Variants in KLHL29 observed in about 807,000 individuals in gnomAD.
KLHL29 encodes kelch like family member 29.
A neutral mutation model predicts 80.4 loss-of-function variants in KLHL29; 21 were observed. The observed-to-expected ratio is 0.26, with a 90% CI of 0.19 to 0.38. The LOEUF (loss-of-function observed/expected upper bound fraction) is 0.38, where lower values mean the gene tolerates loss of function less well. KLHL29 is among the 10% of genes least tolerant of loss of function. The pLI, the probability that KLHL29 is intolerant of heterozygous loss-of-function variation, is 1.00. For synonymous variants in KLHL29, 511 were observed against 526.8 expected, an observed-to-expected ratio of 0.97 and a Z score of 0.41; for missense variants, 867 against 1,223.9, an observed-to-expected ratio of 0.71 and a Z score of 4.35.
At chr2:23,672,223 C>G (rs565169967) in intron 5 of KLHL29, 2 of 152,588 alleles carry the variant, frequency 1.3e-5, no homozygotes, top group South Asian at 4.1e-4. Context: ...GGAGCTACCT[C>G]CCCTGGGCCC....
At chr2:23,629,459 G>A (rs946624285) in intron 3 of KLHL29, among the ~76,000 whole-genome samples, 5 of 152,084 alleles carry the variant, frequency 3.3e-5, no homozygotes, top group Non-Finnish European at 7.4e-5. Flanking sequence ...CTTGGAAATG[G>A]GACTAAGAAG....
intron 1 of KLHL29, among the ~76,000 whole-genome samples, chr2:23,398,175 A>G (rs1666498795): frequency 6.6e-6 from 1 of 152,268 alleles, no homozygotes; most frequent in South Asian, 2.1e-4. Context: ...GCTCATAGCA[A>G]CCACATTCAC....
chr2:23,473,631 T>C (rs1408789198), intron 1 of KLHL29, among the ~76,000 whole-genome samples: 2 of 152,126 alleles, frequency 1.3e-5, no homozygotes, highest in Admixed American at 6.5e-5. Flanking sequence ...TCTAGCCTAT[T>C]CCATATTCAT....
chr2:23,449,828 C>T (rs11900350), intron 1 of KLHL29, among the ~76,000 whole-genome samples: 22,183 of 152,046 alleles, frequency 0.15, 2,767 homozygotes, highest in African/African-American at 0.32. Flanking sequence ...GGATGAGAGG[C>T]GTGGAGAACC....
intron 1 of KLHL29, among the ~76,000 whole-genome samples, chr2:23,460,153 A>G (rs894026530): frequency 1.3e-5 from 2 of 152,232 alleles, no homozygotes; most frequent in African/African-American, 2.4e-5. Context: ...CTTGAGTAGG[A>G]TATTTATTAT....
chr2:23,409,964 C>A (rs184598183), intron 1 of KLHL29, among the ~76,000 whole-genome samples: 3 of 152,108 alleles, frequency 2.0e-5, no homozygotes, highest in Admixed American at 2.0e-4. Context: ...GCATTCCAGG[C>A]AGAGGAGATA....
intron 2 of KLHL29, among the ~76,000 whole-genome samples, chr2:23,532,930 G>A (rs1442847229): frequency 6.6e-6 from 1 of 152,142 alleles, no homozygotes; most frequent in African/African-American, 2.4e-5. Context: ...CCGAGAGGAG[G>A]AGCTCAGCTG....
At chr2:23,432,188 C>T (rs1663200810) in intron 1 of KLHL29, among the ~76,000 whole-genome samples, 1 of 152,122 alleles carries the variant, frequency 6.6e-6, no homozygotes, top group African/African-American at 2.4e-5. Context: ...CTGCTTTTTT[C>T]ACTTAGAGAA....
At chr2:23,505,482 C>T (rs2103457841) in intron 2 of KLHL29, among the ~76,000 whole-genome samples, 1 of 152,350 alleles carries the variant, frequency 6.6e-6, no homozygotes, top group South Asian at 2.1e-4. Context: ...TGTTCCTGCC[C>T]ATCTTTTTGT....
intron 2 of KLHL29, among the ~76,000 whole-genome samples, chr2:23,535,009 G>A (rs986933986): frequency 6.6e-6 from 1 of 152,198 alleles, no homozygotes; most frequent in Non-Finnish European, 1.5e-5. Flanking sequence ...TGATTGGGGT[G>A]GTGGTTAGGC....
At chr2:23,425,635 T>C (rs376129668) in intron 1 of KLHL29, among the ~76,000 whole-genome samples, 32 of 152,332 alleles carry the variant, frequency 2.1e-4, no homozygotes, top group African/African-American at 7.7e-4. Context: ...AGGAAGCCAG[T>C]GTCCCCCCAG....
intron 1 of KLHL29, among the ~76,000 whole-genome samples, chr2:23,393,428 T>C (rs890858641): frequency 6.6e-6 from 1 of 152,232 alleles, no homozygotes; most frequent in Non-Finnish European, 1.5e-5. Flanking sequence ...AGTGACAACC[T>C]GGGTCTGTCT....
intron 5 of KLHL29, among the ~76,000 whole-genome samples, chr2:23,659,496 C>G (rs998638419): frequency 4.6e-5 from 7 of 152,204 alleles, no homozygotes; most frequent in Admixed American, 6.5e-5. Flanking sequence ...CTCATCTTCA[C>G]TTCCATTCTC....
intron 1 of KLHL29, among the ~76,000 whole-genome samples, chr2:23,390,721 G>C (rs1469968929): frequency 3.2e-5 from 4 of 126,782 alleles, no homozygotes; most frequent in Non-Finnish European, 4.7e-5. Context: ...ACACAATCTT[G>C]GCTCGCTGCA....
intron 2 of KLHL29, among the ~76,000 whole-genome samples, chr2:23,489,132 C>T (rs1183664625): frequency 2.0e-5 from 3 of 152,194 alleles, no homozygotes; most frequent in Non-Finnish European, 2.9e-5. Flanking sequence ...AAGCAGAGAA[C>T]ATGGCGTTTC....
chr2:23,487,649 A>G (rs909738330), intron 2 of KLHL29, among the ~76,000 whole-genome samples: 1 of 151,756 alleles, frequency 6.6e-6, no homozygotes, highest in Non-Finnish European at 1.5e-5. Flanking sequence ...AGGGGTCCTC[A>G]GGGGTGTCCC....
chr2:23,601,686 G>A (rs984580841), intron 3 of KLHL29, among the ~76,000 whole-genome samples: 10 of 152,188 alleles, frequency 6.6e-5, no homozygotes, highest in African/African-American at 2.4e-4. Flanking sequence ...TTAGCTCTGA[G>A]ATACCCAGTG....
In KLHL29 at chr2:23,669,086, G is replaced by A. The variant is rs1670636408; in HGVS notation, c.941-15313G>A. 1 of 152,208 alleles carries A rather than the reference G, an allele frequency of 6.6e-6. No individual in the cohort carries two copies. Among genetic ancestry groups the A allele is most frequent in the Non-Finnish European group, 1.5e-5 (1 of 68,130 alleles). The allele number at this position is 152,208 out of a possible 1,614,324, so 9.4% of individuals were successfully genotyped here. A position where few individuals can be genotyped will look rare whatever the true frequency, so the allele number is the denominator to read the frequency against. Reference sequence around the variant, plus strand: ...GGACCTGGTCCTGTGTGACCACAGGGGACCGCAGACTCAGCTGATGACGAC... The same window carrying A: ...GGACCTGGTCCTGTGTGACCACAGGAGACCGCAGACTCAGCTGATGACGAC... On this transcript the variant is annotated intron_variant, in intron 5 of 13. Coordinates refer to ENST00000486442, the MANE Select transcript of KLHL29 (RefSeq NM_052920.2). This position sits in a 1 kb window ranked among gnomAD's most constrained non-coding sequence, Gnocchi z 4.3.
rs1670635630 is a variant in KLHL29 at position 23,669,060 on chromosome 2, A to G, written c.941-15339A>G. The G allele has an allele frequency of 1.3e-5, 2 of 152,162 alleles. No homozygotes were observed. Among genetic ancestry groups the G allele is most frequent in the African/African-American group, 4.8e-5 (2 of 41,376 alleles). 9.4% of individuals were successfully genotyped at this position (152,162 alleles called of 1,614,324 possible). A position where few individuals can be genotyped will look rare whatever the true frequency, so the allele number is the denominator to read the frequency against. On this transcript the variant is annotated intron_variant, in intron 5 of 13. Transcript: ENST00000486442. This position sits in a 1 kb window ranked among gnomAD's most constrained non-coding sequence, Gnocchi z 4.3. ...TGGGCCGGGGGCTGTGGAGTCTAGGAGGACCTGGTCCTGTGTGACCACAGG... is the reference window on the plus strand; with the variant it reads ...TGGGCCGGGGGCTGTGGAGTCTAGGGGGACCTGGTCCTGTGTGACCACAGG...
Sources: gnomAD v4.1 joint callset for allele counts (sites outside exome capture counted in the v4.1 genomes callset) on GRCh38, gnomAD v4.1.1 for gene constraint, Gnocchi (gnomAD v3.1) non-coding constraint, MANE v1.5 for transcripts, NCBI Gene and HGNC (gene_info 2026-07-23, HGNC 2026-07-21) for gene names.